Variants in SFRP4 observed in about 807,000 individuals in gnomAD.
The protein encoded by SFRP4 is secreted frizzled related protein 4.
In SFRP4, 25 loss-of-function variants were observed where a neutral mutation model predicts 36.3. That is an observed-to-expected ratio of 0.69 (90% CI 0.50 to 0.96). The LOEUF (loss-of-function observed/expected upper bound fraction) is 0.96. Among genes scored for constraint, SFRP4 ranks in the 40% least tolerant of loss-of-function variants. The pLI is 0.00. For synonymous variants in SFRP4, 182 were observed against 168.8 expected, an observed-to-expected ratio of 1.08 and a Z score of -0.60; for missense variants, 487 against 459.6, an observed-to-expected ratio of 1.06 and a Z score of -0.54.
Position 37,907,811 on chromosome 7 carries a change from T to G in SFRP4, c.856-147A>C, listed in dbSNP as rs569095967. Reference sequence around the variant, plus strand: ...GCTACCCTATGTGAAGCACTTATCATGTACCAGGTGACTTGGAAAGTGCTC... The same window carrying G: ...GCTACCCTATGTGAAGCACTTATCAGGTACCAGGTGACTTGGAAAGTGCTC... On this transcript the variant is annotated intron_variant, in intron 5 of 5. Coordinates refer to ENST00000436072, the MANE Select transcript of SFRP4 (RefSeq NM_003014.4). 1.5e-5 allele frequency: 9 copies of G among 590,076 alleles called. No homozygotes were observed. In the South Asian group the frequency reaches 2.3e-4, roughly 15 times the overall value. The allele number at this position is 590,076 out of a possible 1,614,324, so 36.6% of individuals were successfully genotyped here.
rs201287274 is a variant in SFRP4, at chr7:37,916,051, C to G, written c.445+42G>C. The G allele has an allele frequency of 1.9e-6, 3 of 1,575,460 alleles. No individual in the cohort carries two copies. Among genetic ancestry groups the G allele is most frequent in the Non-Finnish European group, 2.6e-6 (3 of 1,158,574 alleles). ...AGTTCTCGATTGGCAGCCACAGCCCCGGGCGCCTCCTCGCCTCCCTCCATC... is the reference window on the plus strand; with the variant it reads ...AGTTCTCGATTGGCAGCCACAGCCCGGGGCGCCTCCTCGCCTCCCTCCATC... On this transcript the variant is annotated intron_variant, in intron 1 of 5. Transcript: ENST00000436072. This position sits in a 1 kb window ranked among gnomAD's most constrained non-coding sequence, Gnocchi z 4.1.
rs968890170 is a variant in SFRP4, at chr7:37,916,527, G to A, written c.11C>T (p.Ser4Phe). ...CCACAGGCACAGCGCCACTAGGATG[G>A]AGAGGAACATGGCACTGCCCTCTCG... is the stretch of plus-strand genomic sequence containing the variant. MFL[S>F]ILVALCLWLH... is the part of the protein sequence containing the mutation. The change falls in exon 1 of 6, where the codon TCC becomes TTC. Residue 4 changes from serine (S) to phenylalanine (F), a missense_variant. Ser to Phe is a radical substitution (Grantham distance 155). Transcript: ENST00000436072. The surrounding 1 kb of genome is among the most constrained non-coding windows in gnomAD (Gnocchi z 4.1). 2.5e-6 allele frequency: 4 copies of A among 1,608,452 alleles called. No individual in the cohort carries two copies. The African/African-American group carries it at 5.3e-5, about 21-fold the overall frequency.
At position 37,916,697 on chromosome 7, in the gene SFRP4, G is replaced by C. The variant is rs1785587080; in HGVS notation, c.-160C>G. On this transcript the variant is annotated 5_prime_UTR_variant, in exon 1 of 6. Coordinates refer to ENST00000436072, the MANE Select transcript of SFRP4 (RefSeq NM_003014.4). This position sits in a 1 kb window ranked among gnomAD's most constrained non-coding sequence, Gnocchi z 4.1. ...GTCGGCAGCAAAGCGGGGCCGCGGGGTCCGGCCGCGGAGCTCCGCCGTCTG... is the reference window on the plus strand; with the variant it reads ...GTCGGCAGCAAAGCGGGGCCGCGGGCTCCGGCCGCGGAGCTCCGCCGTCTG... 8.6e-7 allele frequency: 1 copy of C among 1,157,898 alleles called. No individual in the cohort carries two copies. Among genetic ancestry groups the C allele is most frequent in the Admixed American group, 2.8e-5 (1 of 35,948 alleles). 71.7% of individuals were successfully genotyped at this position (1,157,898 alleles called of 1,614,324 possible). A position where few individuals can be genotyped will look rare whatever the true frequency, so the allele number is the denominator to read the frequency against.
chr7:37,911,384 T>G (rs1027879668), intron 4 of SFRP4, among the ~76,000 whole-genome samples: 2 of 152,208 alleles, frequency 1.3e-5, no homozygotes, highest in African/African-American at 4.8e-5. Flanking sequence ...TATGTAAAAC[T>G]GAGTGATTTT....
At chr7:37,915,663 GAA>G (rs3837060) in intron 1 of SFRP4, among the ~76,000 whole-genome samples, 35,816 of 150,534 alleles carry the variant, frequency 0.24, 4,381 homozygotes, top group East Asian at 0.33. Context: ...TGCTTTTTCA[GAA>G]AAAAAAAAAC....
chr7:37,914,540 C>T (rs1353071721), intron 1 of SFRP4, 87 bp from the exon 2 acceptor site: 1 of 933,078 alleles, frequency 1.1e-6, no homozygotes, highest in African/African-American at 1.6e-5. Context: ...AAGATATAAA[C>T]TAAAACAGTA....
At position 37,909,758 on chromosome 7, in the gene SFRP4, T is replaced by C. The variant is rs1001676289; in HGVS notation, c.792-78A>G. On this transcript the variant is annotated intron_variant, in intron 4 of 5. Transcript: ENST00000436072. ...AAAAATACAGAAATTGTAAAAAAAT[T>C]ATTCAATAATCCTTTACCCCATAAT... 6.2e-6 allele frequency: 5 copies of C among 801,696 alleles called. No individual in the cohort carries two copies. In the Admixed American group the frequency reaches 6.7e-5, roughly 11 times the overall value. 49.7% of individuals were successfully genotyped at this position (801,696 alleles called of 1,614,324 possible). A position where few individuals can be genotyped will look rare whatever the true frequency, so the allele number is the denominator to read the frequency against.
chr7:37,911,241 G>GTA (rs1785481258), intron 4 of SFRP4, among the ~76,000 whole-genome samples: 1 of 152,220 alleles, frequency 6.6e-6, no homozygotes, highest in African/African-American at 2.4e-5. Context: ...GGGCACCCAA[G>GTA]TACTGATAGA....
In SFRP4 at chr7:37,916,113, A is replaced by T. The variant is rs1182234084; in HGVS notation, c.425T>A (p.Ile142Asn). ...DRGVCISPEA[I>N]VTDLPEDVKW... Reference sequence around the variant, plus strand: ...CTCACCCTCCGGGAGGTCCGTGACGATGGCTTCAGGCGAGATGCACACGCC... The same window carrying T: ...CTCACCCTCCGGGAGGTCCGTGACGTTGGCTTCAGGCGAGATGCACACGCC... Residue 142 changes from isoleucine (I) to asparagine (N), a missense_variant, in exon 1 of 6, where the codon ATC (isoleucine) becomes AAC (asparagine). Physicochemically the swap from Ile to Asn is moderately radical, Grantham distance 149. Coordinates refer to ENST00000436072, the MANE Select transcript of SFRP4 (RefSeq NM_003014.4). The surrounding 1 kb of genome is among the most constrained non-coding windows in gnomAD (Gnocchi z 4.1). The T allele has an allele frequency of 6.2e-7, 1 of 1,612,276 alleles. No individual in the cohort carries two copies. Among genetic ancestry groups the T allele is most frequent in the Non-Finnish European group, 8.5e-7 (1 of 1,178,844 alleles).
intron 3 of SFRP4, 55 bp downstream of exon 3, chr7:37,914,158 C>T: frequency 7.3e-7 from 1 of 1,364,494 alleles, no homozygotes; most frequent in Admixed American, 1.7e-5. Flanking sequence ...TATTGAGATT[C>T]CAGCTTTGTA....
chr7:37,911,585 G>A (rs1785487727), intron 4 of SFRP4, among the ~76,000 whole-genome samples: 1 of 152,116 alleles, frequency 6.6e-6, no homozygotes, highest in Non-Finnish European at 1.5e-5. Context: ...ATATTTATTT[G>A]TTTATACATT....
At chr7:37,909,472 C>T (rs913206659) in intron 5 of SFRP4, 145 bp downstream of exon 5, 10 of 466,856 alleles carry the variant, frequency 2.1e-5, no homozygotes, top group African/African-American at 1.0e-4. Context: ...ACACTCTTAA[C>T]GGCCTATTCA....
chr7:37,915,387 G>A (rs2598112), intron 1 of SFRP4, among the ~76,000 whole-genome samples: 67,650 of 152,034 alleles, frequency 0.44, 15,364 homozygotes, highest in East Asian at 0.64. Context: ...TTTAAATGTG[G>A]GGTAACCTGG....
Position 37,916,518 on chromosome 7 carries a change from A to T in SFRP4, c.20T>A (p.Val7Glu). ...CAGGTGCAGCCACAGGCACAGCGCC[A>T]CTAGGATGGAGAGGAACATGGCACT... MFLSIL[V>E]ALCLWLHLAL... The change falls in exon 1 of 6, where the codon GTG (valine) becomes GAG (glutamate). Residue 7 changes from valine to glutamate, a missense_variant. By Grantham distance (121) the Val-to-Glu change is moderately radical. Coordinates refer to ENST00000436072, the MANE Select transcript of SFRP4 (RefSeq NM_003014.4). This position sits in a 1 kb window ranked among gnomAD's most constrained non-coding sequence, Gnocchi z 4.1. 1 of 1,609,858 alleles carries T rather than the reference A, an allele frequency of 6.2e-7. No individual in the cohort carries two copies. The highest frequency in any genetic ancestry group is 8.5e-7 in the Non-Finnish European group (1 of 1,179,420).
Position 37,909,705 on chromosome 7 carries a change from C to G in SFRP4, c.792-25G>C, listed in dbSNP as rs749370781. 11 of 1,394,126 alleles carry G rather than the reference C, an allele frequency of 7.9e-6. No individual in the cohort carries two copies. In the South Asian group the frequency reaches 1.3e-4, roughly 16 times the overall value. The allele number at this position is 1,394,126 out of a possible 1,614,324, so 86.4% of individuals were successfully genotyped here. On this transcript the variant is annotated intron_variant, in intron 4 of 5. Transcript: ENST00000436072. ...CCTGAAAAAAAATTATCTTAGTAAA[C>G]AGATTTTTATTACAAAAGTAAACAG...
chr7:37,909,874 T>G (rs1197045541), intron 4 of SFRP4, 194 bp from the exon 5 acceptor site: 13 of 366,034 alleles, frequency 3.6e-5, no homozygotes, highest in Non-Finnish European at 5.9e-5. Context: ...CATTGTGTAT[T>G]GAGATGATCT....
Position 37,916,729 on chromosome 7 carries a change from A to C in SFRP4, c.-192T>G, listed in dbSNP as rs1031835811. The C allele has an allele frequency of 3.6e-6, 3 of 830,184 alleles. No individual in the cohort carries two copies. The highest frequency in any genetic ancestry group is 3.4e-5 in the African/African-American group (2 of 58,030). 51.4% of individuals were successfully genotyped at this position (830,184 alleles called of 1,614,324 possible). On this transcript the variant is annotated 5_prime_UTR_variant, in exon 1 of 6. Coordinates refer to ENST00000436072, the MANE Select transcript of SFRP4 (RefSeq NM_003014.4). The surrounding 1 kb of genome is among the most constrained non-coding windows in gnomAD (Gnocchi z 4.1). ...CGCGGAGCTCCGCCGTCTGGCACAC[A>C]GGGCACGAGCAGCGCCAGCTCTCAG... is the stretch of plus-strand genomic sequence containing the variant.
chr7:37,913,628 G>A lies in SFRP4; in HGVS notation c.592+585C>T, dbSNP rs562741004. ...TTTCATGACTGACTTATTCATGGAAGAAAATGCTGAATGGTTCTTTCAAGT... is the reference window on the plus strand; with the variant it reads ...TTTCATGACTGACTTATTCATGGAAAAAAATGCTGAATGGTTCTTTCAAGT... On this transcript the variant is annotated intron_variant, in intron 3 of 5. Transcript: ENST00000436072. 2.6e-4 allele frequency among the ~76,000 whole-genome samples: 40 copies of A among 152,320 alleles called. No homozygotes were observed. The East Asian group carries it at 3.3e-3, about 12-fold the overall frequency.
At chr7:37,909,111 C>T (rs539451434) in intron 5 of SFRP4, among the ~76,000 whole-genome samples, 8 of 152,184 alleles carry the variant, frequency 5.3e-5, no homozygotes, top group East Asian at 1.9e-4. Flanking sequence ...AATATTTCTA[C>T]GATGTTACCA....
Sources: gnomAD v4.1 joint callset for allele counts (sites outside exome capture counted in the v4.1 genomes callset) on GRCh38, gnomAD v4.1.1 for gene constraint, Gnocchi (gnomAD v3.1) non-coding constraint, MANE v1.5 for transcripts, NCBI Gene and HGNC (gene_info 2026-07-23, HGNC 2026-07-21) for gene names.